SLC24A3: variants seen among roughly 807,000 people sequenced by gnomAD.
SLC24A3 encodes the protein solute carrier family 24 member 3, also known as sodium/potassium/calcium exchanger 3.
In SLC24A3, 28 loss-of-function variants were observed where a neutral mutation model predicts 75.8. That is an observed-to-expected ratio of 0.37 (90% CI 0.27 to 0.51). SLC24A3 has a LOEUF of 0.51. Among genes scored for constraint, SLC24A3 ranks in the 20% least tolerant of loss-of-function variants. The pLI is 0.94. For synonymous variants in SLC24A3, 372 were observed against 334.1 expected (o/e 1.11, Z -1.24); for missense variants, 663 against 847.8 (o/e 0.78, Z 2.71).
intron 2 of SLC24A3, among the ~76,000 whole-genome samples, chr20:19,486,882 A>T (rs1340633135): frequency 6.6e-6 from 1 of 152,206 alleles, no homozygotes; most frequent in South Asian, 2.1e-4. Flanking sequence ...AATTAAATAC[A>T]TCAGATACTG....
At chr20:19,475,204 T>G (rs1469261664) in intron 2 of SLC24A3, among the ~76,000 whole-genome samples, 1 of 152,030 alleles carries the variant, frequency 6.6e-6, no homozygotes, top group Non-Finnish European at 1.5e-5. Flanking sequence ...CCGGGCGTGG[T>G]GGCGGTTGCC....
chr20:19,687,919 G>A (rs1441280406), intron 12 of SLC24A3, among the ~76,000 whole-genome samples: 2 of 152,150 alleles, frequency 1.3e-5, no homozygotes, highest in African/African-American at 4.8e-5. Flanking sequence ...TGTATGAGGA[G>A]ACATGGCTGC....
intron 2 of SLC24A3, among the ~76,000 whole-genome samples, chr20:19,465,301 T>C (rs1276365277): frequency 6.6e-6 from 1 of 151,698 alleles, no homozygotes; most frequent in Non-Finnish European, 1.5e-5. Context: ...ACATCATTGA[T>C]AGCCAAGGAA....
At chr20:19,323,171 A>G (rs1984753922) in intron 2 of SLC24A3, among the ~76,000 whole-genome samples, 1 of 141,808 alleles carries the variant, frequency 7.1e-6, no homozygotes. Flanking sequence ...GCGCCACTGC[A>G]CTCCAGCCTG....
intron 6 of SLC24A3, among the ~76,000 whole-genome samples, chr20:19,652,891 G>A (rs1906858615): frequency 6.6e-6 from 1 of 152,138 alleles, no homozygotes; most frequent in African/African-American, 2.4e-5. Flanking sequence ...GTTGACTTGT[G>A]CTGTGTCTTT....
At chr20:19,531,913 C>T (rs1413410434) in intron 3 of SLC24A3, among the ~76,000 whole-genome samples, 1 of 152,140 alleles carries the variant, frequency 6.6e-6, no homozygotes, top group African/African-American at 2.4e-5. Context: ...ATGAGTTGCC[C>T]CCCCATGACA....
intron 2 of SLC24A3, among the ~76,000 whole-genome samples, chr20:19,397,915 C>G (rs962877486): frequency 3.9e-5 from 6 of 152,000 alleles, no homozygotes; most frequent in African/African-American, 9.7e-5. Context: ...GCTGACTATT[C>G]GTCTGCCACT....
rs547930671 is a variant in SLC24A3 at position 19,522,767 on chromosome 20, G to A, written c.348+7203G>A. Among the ~76,000 whole-genome samples the A allele has an allele frequency of 6.4e-5, 9 of 141,460 alleles. No homozygotes were observed. The South Asian group carries it at 1.9e-3, about 30-fold the overall frequency. 92.8% of individuals were successfully genotyped at this position (141,460 alleles called of 152,430 possible). On this transcript the variant is annotated intron_variant, in intron 3 of 16. Transcript: ENST00000328041. ...GTTGCTGCCATGCCCAGGGCTCCAG[G>A]AGAGGCTGCTCCTGCAGGGTTTTTT...
intron 2 of SLC24A3, among the ~76,000 whole-genome samples, chr20:19,395,849 C>T (rs1018271238): frequency 1.3e-5 from 2 of 151,998 alleles, no homozygotes; most frequent in Non-Finnish European, 2.9e-5. Context: ...GCCTGTGTTT[C>T]GAGAATTGGA....
chr20:19,401,647 C>T (rs1308387138), intron 2 of SLC24A3, among the ~76,000 whole-genome samples: 1 of 152,214 alleles, frequency 6.6e-6, no homozygotes, highest in Non-Finnish European at 1.5e-5. Flanking sequence ...TGGAGGTCCT[C>T]ACCCTTACCA....
intron 2 of SLC24A3, among the ~76,000 whole-genome samples, chr20:19,490,322 G>A (rs549957070): frequency 3.3e-5 from 5 of 152,142 alleles, no homozygotes; most frequent in African/African-American, 7.2e-5. Flanking sequence ...TCTCAGGCTC[G>A]TGAGAAATCT....
At chr20:19,282,824 C>G (rs960744436) in intron 2 of SLC24A3, among the ~76,000 whole-genome samples, 1 of 152,156 alleles carries the variant, frequency 6.6e-6, no homozygotes, top group African/African-American at 2.4e-5. Context: ...TGGTTGGTCT[C>G]TCTGTGAGTA....
At chr20:19,548,800 T>C (rs2030645933) in intron 3 of SLC24A3, among the ~76,000 whole-genome samples, 1 of 152,310 alleles carries the variant, frequency 6.6e-6, no homozygotes, top group Admixed American at 6.5e-5. Context: ...GCACCCATAT[T>C]TGCATTTGAA....
intron 2 of SLC24A3, among the ~76,000 whole-genome samples, chr20:19,446,866 T>A (rs1219426997): frequency 6.6e-6 from 1 of 152,232 alleles, no homozygotes; most frequent in Non-Finnish European, 1.5e-5. Flanking sequence ...CGTCGTCAGC[T>A]GCAGCCCATG....
At chr20:19,711,185 A>G (rs1250077064) in intron 15 of SLC24A3, among the ~76,000 whole-genome samples, 1 of 151,898 alleles carries the variant, frequency 6.6e-6, no homozygotes, top group Non-Finnish European at 1.5e-5. Flanking sequence ...GTACACACAC[A>G]CGCATCCACA....
chr20:19,304,896 A>G (rs1478330330), intron 2 of SLC24A3, among the ~76,000 whole-genome samples: 1 of 152,168 alleles, frequency 6.6e-6, no homozygotes, highest in East Asian at 1.9e-4. Flanking sequence ...GAACGTGACT[A>G]TTTTGGCCCT....
At chr20:19,510,869 G>A (rs74858133) in intron 2 of SLC24A3, among the ~76,000 whole-genome samples, 2,752 of 152,288 alleles carry the variant, frequency 0.018, 75 homozygotes, top group African/African-American at 0.063. Flanking sequence ...CAGACATGGG[G>A]CATTCCTACA....
chr20:19,449,345 A>G lies in SLC24A3; in HGVS notation c.272-66143A>G, dbSNP rs1259764508. Among the ~76,000 whole-genome samples the G allele has an allele frequency of 2.0e-5, 3 of 152,188 alleles. No individual in the cohort carries two copies. In the East Asian group the frequency reaches 5.8e-4, roughly 29 times the overall value. ...CACTGACAGTGGGATTCTGCCCCAGATGTGGGATGTGCCTCACAGCCACAG... is the reference window on the plus strand; with the variant it reads ...CACTGACAGTGGGATTCTGCCCCAGGTGTGGGATGTGCCTCACAGCCACAG... On this transcript the variant is annotated intron_variant, in intron 2 of 16. Transcript: ENST00000328041.
intron 2 of SLC24A3, among the ~76,000 whole-genome samples, chr20:19,486,696 A>G (rs180710166): frequency 3.3e-5 from 5 of 152,290 alleles, no homozygotes; most frequent in Admixed American, 3.3e-4. Flanking sequence ...TTATCCTTGT[A>G]TGTCTCGTCA....
Sources: gnomAD v4.1 joint callset for allele counts (sites outside exome capture counted in the v4.1 genomes callset) on GRCh38, gnomAD v4.1.1 for gene constraint, MANE v1.5 for transcripts, NCBI Gene and HGNC (gene_info 2026-07-23, HGNC 2026-07-21) for gene names.